Variants in IQCM observed in about 807,000 individuals in gnomAD.
IQCM encodes IQ domain-containing protein M.
In IQCM, 45 loss-of-function variants were observed where a neutral mutation model predicts 57.6. That is an observed-to-expected ratio of 0.78 (90% CI 0.62 to 1.00). The LOEUF is 1.00. IQCM is among the 50% of genes least tolerant of loss of function. IQCM has a pLI of 0.00. For synonymous variants in IQCM, 148 were observed against 158.9 expected, an observed-to-expected ratio of 0.93 and a Z score of 0.51; for missense variants, 468 against 511.6, an observed-to-expected ratio of 0.91 and a Z score of 0.82.
intron 13 of IQCM, among the ~76,000 whole-genome samples, chr4:149,364,281 G>T (rs1238955150): frequency 6.6e-6 from 1 of 152,044 alleles, no homozygotes; most frequent in Non-Finnish European, 1.5e-5. Flanking sequence ...TATTGAAGGG[G>T]GCTATAGCAA....
chr4:149,579,568 T>C (rs1180193362), intron 9 of IQCM, among the ~76,000 whole-genome samples: 1 of 151,924 alleles, frequency 6.6e-6, no homozygotes, highest in Non-Finnish European at 1.5e-5. Context: ...TTCAGAGGCA[T>C]GAACTACCAG....
intron 7 of IQCM, among the ~76,000 whole-genome samples, chr4:149,676,348 A>C (rs1405930001): frequency 6.6e-6 from 1 of 152,118 alleles, no homozygotes; most frequent in Non-Finnish European, 1.5e-5. Flanking sequence ...TGATTACAGT[A>C]ATATGTCCTT....
chr4:149,462,548 A>G (rs1738418186), intron 12 of IQCM, among the ~76,000 whole-genome samples: 1 of 152,108 alleles, frequency 6.6e-6, no homozygotes, highest in East Asian at 1.9e-4. Context: ...AACAGTACAA[A>G]ATTGAAGTTA....
At chr4:149,393,565 A>G (rs968045148) in intron 13 of IQCM, among the ~76,000 whole-genome samples, 6 of 151,992 alleles carry the variant, frequency 3.9e-5, no homozygotes, top group African/African-American at 1.4e-4. Context: ...TAAGATAAAT[A>G]AAAATGGATA....
intron 5 of IQCM, among the ~76,000 whole-genome samples, chr4:149,715,716 T>C (rs901621482): frequency 1.3e-5 from 2 of 152,168 alleles, no homozygotes; most frequent in Non-Finnish European, 2.9e-5. Context: ...AGGTGCTTTA[T>C]TGAGCAACAG....
At chr4:149,701,394 A>ACAG (rs1236168201) in intron 5 of IQCM, among the ~76,000 whole-genome samples, 1 of 152,068 alleles carries the variant, frequency 6.6e-6, no homozygotes, top group Admixed American at 6.6e-5. Context: ...TTTGTTCCTC[A>ACAG]CAGCATGGGA....
chr4:149,763,019 C>T (rs1260919459), intron 2 of IQCM, among the ~76,000 whole-genome samples: 6 of 152,006 alleles, frequency 3.9e-5, no homozygotes, highest in Non-Finnish European at 8.8e-5. Context: ...ACTTCATACT[C>T]CACAAGAAGT....
At chr4:149,482,610 G>A (rs1255596694) in intron 12 of IQCM, among the ~76,000 whole-genome samples, 2 of 151,872 alleles carry the variant, frequency 1.3e-5, no homozygotes, top group African/African-American at 4.8e-5. Context: ...AACCATCCTT[G>A]AATCCCTGGG....
chr4:149,695,650 T>C (rs1763279222), intron 5 of IQCM, among the ~76,000 whole-genome samples: 1 of 152,156 alleles, frequency 6.6e-6, no homozygotes. Flanking sequence ...GAAACTTTAG[T>C]ATGCTTATAG....
At chr4:149,499,699 C>CT (rs1225355840) in intron 12 of IQCM, among the ~76,000 whole-genome samples, 12 of 151,964 alleles carry the variant, frequency 7.9e-5, no homozygotes, top group Non-Finnish European at 1.5e-4. Flanking sequence ...TGAAAAAAAT[C>CT]CAAACCTTAT....
chr4:149,431,544 T>A (rs1258326156), intron 13 of IQCM, among the ~76,000 whole-genome samples: 1 of 152,122 alleles, frequency 6.6e-6, no homozygotes, highest in African/African-American at 2.4e-5. Context: ...ATTCTATGGG[T>A]TTTGACTTAT....
intron 12 of IQCM, among the ~76,000 whole-genome samples, chr4:149,444,270 T>C (rs1445156287): frequency 2.6e-5 from 4 of 151,936 alleles, no homozygotes; most frequent in Non-Finnish European, 5.9e-5. Flanking sequence ...TAGCACACTT[T>C]TTCTATAATA....
intron 13 of IQCM, among the ~76,000 whole-genome samples, chr4:149,355,836 T>G (rs1215997701): frequency 6.6e-6 from 1 of 152,112 alleles, no homozygotes; most frequent in African/African-American, 2.4e-5. Context: ...TCCACAATGG[T>G]TGAACTAGTT....
intron 12 of IQCM, among the ~76,000 whole-genome samples, chr4:149,440,122 T>A (rs78508414): frequency 2.8e-5 from 2 of 71,130 alleles, no homozygotes; most frequent in African/African-American, 4.9e-5. Context: ...ATGCCCGGCC[T>A]TTTTTTTTTT....
chr4:149,354,975 A>G (rs928061291), intron 13 of IQCM, among the ~76,000 whole-genome samples: 1 of 152,098 alleles, frequency 6.6e-6, no homozygotes, highest in Admixed American at 6.6e-5. Flanking sequence ...CTGTAAACCA[A>G]TATTTCTGTA....
chr4:149,495,551 T>C (rs1742566445), intron 12 of IQCM, among the ~76,000 whole-genome samples: 1 of 152,088 alleles, frequency 6.6e-6, no homozygotes, highest in Non-Finnish European at 1.5e-5. Context: ...CATGCACACA[T>C]ATACACACAC....
chr4:149,516,844 C>G (rs2149820341), intron 12 of IQCM, among the ~76,000 whole-genome samples: 1 of 152,126 alleles, frequency 6.6e-6, no homozygotes, highest in African/African-American at 2.4e-5. Flanking sequence ...AGATTACTAC[C>G]TGGTCACTTC....
chr4:149,560,488 G>A (rs1750013256), intron 10 of IQCM, among the ~76,000 whole-genome samples: 1 of 151,988 alleles, frequency 6.6e-6, no homozygotes, highest in African/African-American at 2.4e-5. Flanking sequence ...TTAAGTAAGA[G>A]CCTAGAAGCA....
intron 12 of IQCM, among the ~76,000 whole-genome samples, chr4:149,531,652 C>T (rs192199415): frequency 2.6e-5 from 4 of 152,042 alleles, no homozygotes; most frequent in Non-Finnish European, 4.4e-5. Context: ...ATGCATTTAT[C>T]ACCAGCAACT....
Sources: gnomAD v4.1 joint callset for allele counts (sites outside exome capture counted in the v4.1 genomes callset) on GRCh38, gnomAD v4.1.1 for gene constraint, MANE v1.5 for transcripts, NCBI Gene and HGNC (gene_info 2026-07-23, HGNC 2026-07-21) for gene names.